Variants in KIF5C observed in about 807,000 individuals in gnomAD.
KIF5C encodes kinesin heavy chain isoform 5C.
A neutral mutation model predicts 125.2 loss-of-function variants in KIF5C; 18 were observed. The observed-to-expected ratio is 0.14, with a 90% CI of 0.10 to 0.21. The LOEUF (loss-of-function observed/expected upper bound fraction) is 0.21, where lower values mean the gene tolerates loss of function less well. Among genes scored for constraint, KIF5C ranks in the 10% least tolerant of loss-of-function variants. The pLI is 1.00. For missense variants in KIF5C, 780 were observed against 1,183.8 expected, an observed-to-expected ratio of 0.66 and a Z score of 5.01; for synonymous variants, 405 against 434.0, an observed-to-expected ratio of 0.93 and a Z score of 0.83.
At chr2:148,988,033 T>G (rs1681427723) in intron 15 of KIF5C, among the ~76,000 whole-genome samples, 1 of 152,252 alleles carries the variant, frequency 6.6e-6, no homozygotes, top group African/African-American at 2.4e-5. Flanking sequence ...ATAGATTTCA[T>G]GACGGTGTGG....
chr2:148,998,643 A>G, intron 19 of KIF5C, 134 bp downstream of exon 19: 1 of 1,393,606 alleles, frequency 7.2e-7, no homozygotes, highest in South Asian at 1.4e-5. Context: ...GTGACACAGC[A>G]GGCTGGGCGG....
chr2:148,875,419 A>G lies in KIF5C; in HGVS notation c.-199A>G. The G allele has an allele frequency of 1.8e-6, 1 of 543,100 alleles. No homozygotes were observed. The highest frequency in any genetic ancestry group is 3.6e-5 in the Admixed American group (1 of 27,708). 33.6% of individuals were successfully genotyped at this position (543,100 alleles called of 1,614,324 possible). A position where few individuals can be genotyped will look rare whatever the true frequency, so the allele number is the denominator to read the frequency against. On this transcript the variant is annotated 5_prime_UTR_variant, in exon 1 of 26. Coordinates refer to ENST00000435030, the MANE Select transcript of KIF5C (RefSeq NM_004522.3). The stretch of plus-strand genomic sequence containing the variant: ...TCTGCAGCCGGAGGGGCCGGAGCGG[A>G]GAAGCTGCCCACCTTCCCGGGCTCG...
Position 148,994,416 on chromosome 2 carries a change from T to C in KIF5C, c.1906-5T>C. 1 of 1,555,986 alleles carries C rather than the reference T, an allele frequency of 6.4e-7. No individual in the cohort carries two copies. Among genetic ancestry groups the C allele is most frequent in the East Asian group, 2.4e-5 (1 of 41,242 alleles). On this transcript the variant is annotated splice_region_variant and splice_polypyrimidine_tract_variant and intron_variant, in intron 16 of 25. Transcript: ENST00000435030. ...CATTCACTCTTCCTTTTTGCTTGTTTAAAGCACGAAGCCAAGATCAAGTCT... is the reference window on the plus strand; with the variant it reads ...CATTCACTCTTCCTTTTTGCTTGTTCAAAGCACGAAGCCAAGATCAAGTCT...
chr2:149,015,248 G>T (rs1682327697), intron 25 of KIF5C, among the ~76,000 whole-genome samples: 2 of 152,072 alleles, frequency 1.3e-5, no homozygotes, highest in Non-Finnish European at 2.9e-5. Flanking sequence ...GAAATGACTG[G>T]GCATTTGTCA....
At chr2:148,940,145 A>G (rs1682374262) in intron 4 of KIF5C, among the ~76,000 whole-genome samples, 2 of 152,238 alleles carry the variant, frequency 1.3e-5, no homozygotes, top group South Asian at 4.1e-4. Context: ...TCTGAAATAA[A>G]TAGAATGCGC....
At chr2:148,941,128 C>T (rs1682398398) in intron 4 of KIF5C, among the ~76,000 whole-genome samples, 1 of 152,170 alleles carries the variant, frequency 6.6e-6, no homozygotes, top group Admixed American at 6.5e-5. Flanking sequence ...CAGAGCTGGC[C>T]ACCATTACCA....
chr2:148,942,576 G>A, intron 6 of KIF5C, 97 bp from the exon 7 acceptor site: 1 of 1,518,124 alleles, frequency 6.6e-7, no homozygotes, highest in Non-Finnish European at 8.9e-7. Flanking sequence ...CTATTTATCT[G>A]CACCTCTAGA....
intron 16 of KIF5C, among the ~76,000 whole-genome samples, chr2:148,993,037 A>G (rs574275734): frequency 6.6e-6 from 1 of 152,332 alleles, no homozygotes; most frequent in Admixed American, 6.5e-5. Context: ...AACTGATGGA[A>G]CTGTTAGATG....
chr2:148,917,533 G>A (rs1029198485), intron 1 of KIF5C, among the ~76,000 whole-genome samples: 3 of 152,208 alleles, frequency 2.0e-5, no homozygotes, highest in Admixed American at 6.5e-5. Flanking sequence ...AATTAAATGG[G>A]CTAGAGTATA....
chr2:148,983,842 A>C, intron 15 of KIF5C, 76 bp downstream of exon 15: 1 of 1,446,330 alleles, frequency 6.9e-7, no homozygotes, highest in Non-Finnish European at 9.2e-7. Flanking sequence ...TCTTTTAAGC[A>C]TTCAATGCTT....
chr2:149,012,416 C>A (rs1682235705), intron 25 of KIF5C, among the ~76,000 whole-genome samples: 2 of 152,194 alleles, frequency 1.3e-5, no homozygotes, highest in Admixed American at 6.5e-5. Flanking sequence ...TTTGAACATG[C>A]AGATGGGAAG....
intron 15 of KIF5C, among the ~76,000 whole-genome samples, chr2:148,990,301 CTGT>C (rs1681491437): frequency 6.6e-6 from 1 of 152,178 alleles, no homozygotes; most frequent in Admixed American, 6.5e-5. Flanking sequence ...TGGATTTAGA[CTGT>C]TGTTCTCAGA....
intron 3 of KIF5C, among the ~76,000 whole-genome samples, chr2:148,935,343 C>T (rs1295431631): frequency 6.6e-6 from 1 of 152,184 alleles, no homozygotes; most frequent in Non-Finnish European, 1.5e-5. Flanking sequence ...AATCGTTCTT[C>T]TCTGGCTGTG....
intron 13 of KIF5C, 55 bp from the exon 14 acceptor site, chr2:148,981,300 A>C: frequency 6.6e-7 from 1 of 1,525,186 alleles, no homozygotes; most frequent in South Asian, 1.3e-5. Context: ...TACAGCATAG[A>C]ACATAAACAT....
chr2:148,987,545 G>A (rs1174041454), intron 15 of KIF5C, among the ~76,000 whole-genome samples: 3 of 152,174 alleles, frequency 2.0e-5, no homozygotes, highest in African/African-American at 7.2e-5. Context: ...CCTTGGGGAA[G>A]AAAGCCTAAT....
At position 149,003,531 on chromosome 2, in the gene KIF5C, G is replaced by A. The variant is rs549517607; in HGVS notation, c.2374-1862G>A. 3.3e-5 allele frequency among the ~76,000 whole-genome samples: 5 copies of A among 152,368 alleles called. No individual in the cohort carries two copies. In the East Asian group the frequency reaches 9.6e-4, roughly 29 times the overall value. On this transcript the variant is annotated intron_variant, in intron 21 of 25. Coordinates refer to ENST00000435030, the MANE Select transcript of KIF5C (RefSeq NM_004522.3). ...TTGCTGTCCACTGTGACAGGAAGCT[G>A]AGCCTTGAGCTTTGGCATGGAGAGT... is the stretch of plus-strand genomic sequence containing the variant.
intron 11 of KIF5C, among the ~76,000 whole-genome samples, chr2:148,970,945 A>G (rs1452379376): frequency 1.3e-5 from 2 of 152,170 alleles, no homozygotes; most frequent in Admixed American, 6.5e-5. Flanking sequence ...TGTGGATAAT[A>G]TGACCATGTT....
At chr2:149,006,673 A>G (rs991589573) in intron 22 of KIF5C, among the ~76,000 whole-genome samples, 18 of 152,240 alleles carry the variant, frequency 1.2e-4, no homozygotes, top group African/African-American at 3.4e-4. Context: ...ATGAAAATAA[A>G]GAAGGCAGAA....
At chr2:148,981,628 CATTG>C (rs1681239971) in intron 14 of KIF5C, 67 bp downstream of exon 14, 1 of 1,490,946 alleles carries the variant, frequency 6.7e-7, no homozygotes, top group African/African-American at 1.4e-5. Context: ...TATTGATATT[CATTG>C]ACAGACATGG....
Sources: allele counts gnomAD v4.1 joint callset (sites outside exome capture counted in the v4.1 genomes callset), GRCh38; gene constraint gnomAD v4.1.1; transcripts MANE v1.5; gene names NCBI Gene and HGNC (gene_info 2026-07-23, HGNC 2026-07-21).